VPS41: variants seen among roughly 807,000 people sequenced by gnomAD.
The protein encoded by VPS41 is vacuolar protein sorting-associated protein 41 homolog.
A neutral mutation model predicts 130.9 loss-of-function variants in VPS41; 85 were observed. The ratio of observed to expected loss-of-function variants is 0.65; its 90% CI spans 0.55 to 0.78. The LOEUF (loss-of-function observed/expected upper bound fraction) is 0.78. Ranked by LOEUF, VPS41 falls within the 30% of genes least tolerant of loss-of-function variation. VPS41 has a pLI of 0.00. For missense variants in VPS41, 874 were observed against 1,018.7 expected, an observed-to-expected ratio of 0.86 and a Z score of 1.93; for synonymous variants, 335 against 332.9, an observed-to-expected ratio of 1.01 and a Z score of -0.07.
At chr7:38,894,213 G>A (rs1253707771) in intron 2 of VPS41, among the ~76,000 whole-genome samples, 1 of 152,140 alleles carries the variant, frequency 6.6e-6, no homozygotes, top group Non-Finnish European at 1.5e-5. Flanking sequence ...ATCTCTGGTG[G>A]ACTGAGTGGT....
intron 4 of VPS41, among the ~76,000 whole-genome samples, chr7:38,842,701 A>C (rs1785633808): frequency 6.6e-6 from 1 of 152,214 alleles, no homozygotes; most frequent in Admixed American, 6.5e-5. Context: ...TAGGCCATGC[A>C]TAGCCTCTGT....
At chr7:38,757,512 C>T (rs1032566586) in intron 18 of VPS41, among the ~76,000 whole-genome samples, 3 of 152,176 alleles carry the variant, frequency 2.0e-5, no homozygotes, top group Admixed American at 6.5e-5. Context: ...TGGTCCATTA[C>T]GAACGTGCTG....
chr7:38,819,540 C>T (rs1423320428), intron 6 of VPS41, among the ~76,000 whole-genome samples: 1 of 152,026 alleles, frequency 6.6e-6, no homozygotes, highest in Non-Finnish European at 1.5e-5. Flanking sequence ...GTATAGTGAC[C>T]CTCCTGCTCT....
chr7:38,779,258 T>C (rs576134467), intron 10 of VPS41, among the ~76,000 whole-genome samples: 3 of 152,330 alleles, frequency 2.0e-5, no homozygotes, highest in African/African-American at 4.8e-5. Flanking sequence ...ATGAAAATAA[T>C]ATTGTCAAGA....
intron 2 of VPS41, among the ~76,000 whole-genome samples, chr7:38,883,789 G>GT (rs1786664144): frequency 6.6e-6 from 1 of 152,130 alleles, no homozygotes; most frequent in African/African-American, 2.4e-5. Flanking sequence ...AGAAAGGGGC[G>GT]TAATAGAGAT....
At chr7:38,808,438 T>C (rs1275276506) in intron 7 of VPS41, among the ~76,000 whole-genome samples, 3 of 152,310 alleles carry the variant, frequency 2.0e-5, no homozygotes, top group African/African-American at 7.2e-5. Flanking sequence ...TTTTGGTACA[T>C]TGATGACAGC....
chr7:38,774,282 C>T, intron 11 of VPS41, 38 bp from the exon 12 acceptor site: 1 of 1,540,492 alleles, frequency 6.5e-7, no homozygotes, highest in Non-Finnish European at 8.8e-7. Context: ...ATTTAAATTA[C>T]ATTTCTATAT....
chr7:38,902,481 G>T (rs1787166639), intron 1 of VPS41, among the ~76,000 whole-genome samples: 1 of 152,130 alleles, frequency 6.6e-6, no homozygotes, highest in South Asian at 2.1e-4. Context: ...TTTTAAAAAA[G>T]CTTCCATATA....
chr7:38,730,326 G>A (rs1043241984), intron 25 of VPS41, among the ~76,000 whole-genome samples: 6 of 152,300 alleles, frequency 3.9e-5, no homozygotes, highest in Admixed American at 1.3e-4. Context: ...AGTGGTCCAC[G>A]TGTTCCTCTG....
Position 38,723,937 on chromosome 7 carries a change from C to T in VPS41, c.*2309G>A, listed in dbSNP as rs970284143. ...TGAAAAGTAAAAAGGATTGAATATC[C>T]TTTAATAAATCACCCAATACTGTTT... On this transcript the variant is annotated 3_prime_UTR_variant, in exon 29 of 29. Coordinates refer to ENST00000310301, the MANE Select transcript of VPS41 (RefSeq NM_014396.4). 1 of 151,890 alleles carries T rather than the reference C, an allele frequency of 6.6e-6. No homozygotes were observed. The highest frequency in any genetic ancestry group is 2.4e-5 in the African/African-American group (1 of 41,334). 9.4% of individuals were successfully genotyped at this position (151,890 alleles called of 1,614,324 possible).
chr7:38,866,109 G>T (rs539125029), intron 3 of VPS41, among the ~76,000 whole-genome samples: 2 of 152,250 alleles, frequency 1.3e-5, no homozygotes, highest in South Asian at 4.2e-4. Context: ...GGATCAAGCA[G>T]AATGTGGTGT....
rs891985458 is a variant in VPS41 at position 38,837,004 on chromosome 7, A to G, written c.247-6676T>C. On this transcript the variant is annotated intron_variant, in intron 4 of 28. Transcript: ENST00000310301. ...CAACAAGTTTCTTTTGTAAGATACTAAGAAATAGAAATTATCTAAATTTCT... is the reference window on the plus strand; with the variant it reads ...CAACAAGTTTCTTTTGTAAGATACTGAGAAATAGAAATTATCTAAATTTCT... Among the ~76,000 whole-genome samples the G allele has an allele frequency of 5.9e-5, 9 of 152,374 alleles. No individual in the cohort carries two copies. The East Asian group carries it at 1.7e-3, about 29-fold the overall frequency.
At chr7:38,898,048 G>C (rs373398790) in intron 2 of VPS41, 43 bp downstream of exon 2, 1 of 1,590,226 alleles carries the variant, frequency 6.3e-7, no homozygotes, top group Admixed American at 1.7e-5. Context: ...AGAGAACAAC[G>C]TGGTGAGCTA....
chr7:38,841,691 T>A (rs1785611288), intron 4 of VPS41, among the ~76,000 whole-genome samples: 1 of 152,140 alleles, frequency 6.6e-6, no homozygotes, highest in Non-Finnish European at 1.5e-5. Flanking sequence ...GCAACCTCCA[T>A]CTCCTGGGTT....
chr7:38,743,670 C>T, intron 23 of VPS41, 128 bp from the exon 24 acceptor site: 1 of 1,048,012 alleles, frequency 9.5e-7, no homozygotes, highest in Non-Finnish European at 1.4e-6. Context: ...TCTCATGTGA[C>T]ACCAACATTT....
At chr7:38,828,683 C>T (rs1785327609) in intron 5 of VPS41, among the ~76,000 whole-genome samples, 2 of 151,988 alleles carry the variant, frequency 1.3e-5, no homozygotes, top group Admixed American at 6.6e-5. Flanking sequence ...TCAATTCTAC[C>T]AATGTTAATA....
intron 6 of VPS41, among the ~76,000 whole-genome samples, 171 bp from the exon 7 acceptor site, chr7:38,818,053 C>A (rs1269017217): frequency 1.3e-4 from 20 of 152,136 alleles, no homozygotes; most frequent in Admixed American, 1.3e-3. Flanking sequence ...GAGTTTTCTT[C>A]TTACGTGAAA....
At chr7:38,896,446 T>C (rs1425696695) in intron 2 of VPS41, among the ~76,000 whole-genome samples, 1 of 152,254 alleles carries the variant, frequency 6.6e-6, no homozygotes, top group African/African-American at 2.4e-5. Context: ...CATAACAAGC[T>C]TGTCCAACCC....
chr7:38,762,490 AC>A (rs1783942898), intron 17 of VPS41, among the ~76,000 whole-genome samples: 1 of 152,218 alleles, frequency 6.6e-6, no homozygotes, highest in African/African-American at 2.4e-5. Context: ...GAAACCCCAT[AC>A]AAAGAAGTCA....
Sources: allele counts gnomAD v4.1 joint callset (sites outside exome capture counted in the v4.1 genomes callset), GRCh38; gene constraint gnomAD v4.1.1; transcripts MANE v1.5; gene names NCBI Gene and HGNC (gene_info 2026-07-23, HGNC 2026-07-21).